The following PCCA variants were observed in gnomAD, a reference collection of about 807,000 sequenced individuals.
PCCA encodes propionyl-CoA carboxylase subunit alpha.
In PCCA, 74 loss-of-function variants were observed where a neutral mutation model predicts 101.3. The observed-to-expected ratio is 0.73, with a 90% CI of 0.61 to 0.89. PCCA has a LOEUF of 0.89. Ranked by LOEUF, PCCA falls within the 40% of genes least tolerant of loss-of-function variation. PCCA has a pLI of 0.00. For missense variants in PCCA, 891 were observed against 907.0 expected, an observed-to-expected ratio of 0.98 and a Z score of 0.23; for synonymous variants, 294 against 313.6, an observed-to-expected ratio of 0.94 and a Z score of 0.66.
chr13:100,410,532 C>T (rs537894021), intron 19 of PCCA, among the ~76,000 whole-genome samples: 5 of 152,276 alleles, frequency 3.3e-5, no homozygotes, highest in East Asian at 3.9e-4. Flanking sequence ...TGAGCCACCA[C>T]GCCCAGCCTG....
intron 6 of PCCA, among the ~76,000 whole-genome samples, chr13:100,190,988 T>C (rs1171843198): frequency 6.6e-6 from 1 of 151,932 alleles, no homozygotes; most frequent in Non-Finnish European, 1.5e-5. Context: ...TCCCAGCTAC[T>C]TTGGAGGCTG....
intron 17 of PCCA, among the ~76,000 whole-genome samples, chr13:100,333,954 A>T (rs2070034619): frequency 6.6e-6 from 1 of 152,226 alleles, no homozygotes; most frequent in Non-Finnish European, 1.5e-5. Flanking sequence ...AAAATCAAAG[A>T]TGGGTATATT....
chr13:100,328,820 A>C (rs988906012), intron 16 of PCCA, among the ~76,000 whole-genome samples: 1 of 149,186 alleles, frequency 6.7e-6, no homozygotes, highest in Non-Finnish European at 1.5e-5. Context: ...CAGCCTCCCA[A>C]GTAGCGGGGA....
intron 6 of PCCA, among the ~76,000 whole-genome samples, chr13:100,201,201 A>G (rs1485075292): frequency 3.3e-5 from 5 of 152,160 alleles, no homozygotes; most frequent in Non-Finnish European, 7.4e-5. Flanking sequence ...TTTTATATAT[A>G]TATCTCCTTA....
chr13:100,111,947 T>C (rs2048359557), intron 3 of PCCA, 46 bp from the exon 4 acceptor site: 2 of 1,574,756 alleles, frequency 1.3e-6, no homozygotes, highest in African/African-American at 1.3e-5. Flanking sequence ...TTAAACCCCT[T>C]TAAGTGTGAA....
intron 19 of PCCA, among the ~76,000 whole-genome samples, chr13:100,418,811 G>T (rs1354662564): frequency 6.7e-6 from 1 of 149,692 alleles, no homozygotes; most frequent in African/African-American, 2.5e-5. Context: ...TTCAGCCTGG[G>T]CAAGAGAGTG....
At position 100,434,836 on chromosome 13, in the gene PCCA, G is replaced by T. The variant is rs140430807; in HGVS notation, c.1845+9105G>T. Among the ~76,000 whole-genome samples, 302 of 152,320 alleles carry T rather than the reference G, an allele frequency of 2.0e-3. 3 individuals carry two copies. Among genetic ancestry groups the T allele is most frequent in the African/African-American group, 6.7e-3 (278 of 41,574 alleles). ...GTGATTCTCATGAAGTCGCTTTCAC[G>T]TAGCTTAAGCAGAGTTCAGCCTTAA... On this transcript the variant is annotated intron_variant, in intron 20 of 23. Coordinates refer to ENST00000376285, the MANE Select transcript of PCCA (RefSeq NM_000282.4).
At chr13:100,486,791 T>C (rs532702075) in intron 21 of PCCA, among the ~76,000 whole-genome samples, 2 of 152,228 alleles carry the variant, frequency 1.3e-5, no homozygotes, top group Non-Finnish European at 2.9e-5. Context: ...TGATGATACA[T>C]GCCCATGACC....
At chr13:100,118,325 T>A (rs1237539794) in intron 4 of PCCA, among the ~76,000 whole-genome samples, 2 of 152,124 alleles carry the variant, frequency 1.3e-5, no homozygotes, top group Admixed American at 6.5e-5. Flanking sequence ...TTGTCCTTTT[T>A]AATATTTTTC....
chr13:100,191,448 G>A (rs2057735980), intron 6 of PCCA, among the ~76,000 whole-genome samples: 1 of 152,068 alleles, frequency 6.6e-6, no homozygotes, highest in Admixed American at 6.6e-5. Context: ...GGTCACCTCC[G>A]TCCTAAGTGT....
intron 6 of PCCA, among the ~76,000 whole-genome samples, chr13:100,208,815 A>T (rs144001033): frequency 6.6e-6 from 1 of 151,918 alleles, no homozygotes; most frequent in Non-Finnish European, 1.5e-5. Context: ...TCTTTTGTCT[A>T]TTTCTCTGAG....
chr13:100,384,208 T>G (rs557761004), intron 19 of PCCA, among the ~76,000 whole-genome samples: 7 of 152,294 alleles, frequency 4.6e-5, no homozygotes, highest in Admixed American at 2.0e-4. Context: ...GTAGTTTAAG[T>G]AGAGACGGGG....
intron 4 of PCCA, among the ~76,000 whole-genome samples, chr13:100,145,975 C>T (rs1016182082): frequency 3.4e-5 from 5 of 147,158 alleles, no homozygotes; most frequent in Admixed American, 6.8e-5. Context: ...CTCACTCTAT[C>T]GCCCAGGCTG....
At chr13:100,280,012 GTTTTTT>G (rs10543745) in intron 12 of PCCA, among the ~76,000 whole-genome samples, 4 of 140,204 alleles carry the variant, frequency 2.9e-5, no homozygotes, top group African/African-American at 1.0e-4. Flanking sequence ...TTTTGTTTTT[GTTTTTT>G]TTTTTTTTGG....
chr13:100,205,749 C>T (rs561739778), intron 6 of PCCA, among the ~76,000 whole-genome samples: 5 of 151,978 alleles, frequency 3.3e-5, no homozygotes, highest in Non-Finnish European at 7.4e-5. Context: ...TGCTTGATTA[C>T]ATCTGCCTGG....
At chr13:100,133,884 TC>T (rs2050829697) in intron 4 of PCCA, among the ~76,000 whole-genome samples, 1 of 152,178 alleles carries the variant, frequency 6.6e-6, no homozygotes, top group Non-Finnish European at 1.5e-5. Context: ...TTCATCTTTC[TC>T]TTGTGCTGCA....
At chr13:100,314,471 G>A (rs1336136704) in intron 16 of PCCA, among the ~76,000 whole-genome samples, 1 of 152,156 alleles carries the variant, frequency 6.6e-6, no homozygotes, top group Non-Finnish European at 1.5e-5. Flanking sequence ...TTTGGAGGGT[G>A]GGGGTGGGGC....
At chr13:100,121,717 G>T (rs574705167) in intron 4 of PCCA, among the ~76,000 whole-genome samples, 3 of 151,502 alleles carry the variant, frequency 2.0e-5, no homozygotes, top group Non-Finnish European at 4.4e-5. Flanking sequence ...CTTGTGATCT[G>T]CCCACCTCAG....
chr13:100,149,680 G>A (rs1333860653), intron 4 of PCCA: 1 of 152,128 alleles, frequency 6.6e-6, no homozygotes, highest in Admixed American at 6.5e-5. Context: ...GACATCAGAA[G>A]GAAAACTCCT....
Sources: gnomAD v4.1 joint callset for allele counts (sites outside exome capture counted in the v4.1 genomes callset) on GRCh38, gnomAD v4.1.1 for gene constraint, MANE v1.5 for transcripts, NCBI Gene and HGNC (gene_info 2026-07-23, HGNC 2026-07-21) for gene names.